The following PYHIN1 variants were observed in gnomAD, a reference collection of about 807,000 sequenced individuals.
PYHIN1 encodes pyrin and HIN domain family member 1.
PYHIN1 carries 32 observed loss-of-function variants against 43.7 expected under a neutral mutation model. The ratio of observed to expected loss-of-function variants is 0.73; its 90% CI spans 0.55 to 0.98. PYHIN1 has a LOEUF of 0.98. PYHIN1 is among the 50% of genes least tolerant of loss of function. PYHIN1 has a pLI of 0.00. For synonymous variants in PYHIN1, 205 were observed against 203.1 expected (o/e 1.01, Z -0.08); for missense variants, 588 against 589.5 (o/e 1.00, Z 0.03).
rs777597213 is a variant in PYHIN1 at position 158,944,870 on chromosome 1, T to C, written c.1192-5T>C. 3 of 1,558,420 alleles carry C rather than the reference T, an allele frequency of 1.9e-6. No homozygotes were observed. Among genetic ancestry groups the C allele is most frequent in the Non-Finnish European group, 2.6e-6 (3 of 1,156,392 alleles). ...AACATTAAACAAAAAAATGAATACT[T>C]TCAGATACAGAAAAATACAAACCAG... On this transcript the variant is annotated splice_region_variant and splice_polypyrimidine_tract_variant and intron_variant, in intron 6 of 8. Transcript: ENST00000368140.
chr1:158,988,014 C>G, the PYHIN1 span, among the ~76,000 whole-genome samples: 1 of 152,136 alleles, frequency 6.6e-6, no homozygotes, highest in East Asian at 1.9e-4. Context: ...CCAAAGAACA[C>G]TGAAGATTTT....
At chr1:158,942,523 T>G in intron 5 of PYHIN1, 124 bp downstream of exon 5, 1 of 703,968 alleles carries the variant, frequency 1.4e-6, no homozygotes. Context: ...TCAAAACTAC[T>G]GACAAGTAGA....
At chr1:158,951,085 C>T (rs1281946476) in intron 7 of PYHIN1, among the ~76,000 whole-genome samples, 1 of 152,174 alleles carries the variant, frequency 6.6e-6, no homozygotes, top group Admixed American at 6.5e-5. Flanking sequence ...CTAGGGTTAA[C>T]ACCTGTTGAA....
rs78112924 is a variant in PYHIN1 at position 158,932,089 on chromosome 1, G to T, written c.-21+313G>T. Among the ~76,000 whole-genome samples, 6 of 152,180 alleles carry T rather than the reference G, an allele frequency of 3.9e-5. No homozygotes were observed. In the East Asian group the frequency reaches 1.2e-3, roughly 29 times the overall value. ...GGTTAGAAAGCTTGGTGGCCATTGG[G>T]GTCTGGGCAAAAGACAAGATAATGA... On this transcript the variant is annotated intron_variant, in intron 1 of 8. Transcript: ENST00000368140.
chr1:158,950,377 C>T (rs1160422243), intron 7 of PYHIN1, among the ~76,000 whole-genome samples: 1 of 152,112 alleles, frequency 6.6e-6, no homozygotes, highest in Non-Finnish European at 1.5e-5. Context: ...TTGTGTCATC[C>T]GAGGAAGCCA....
chr1:158,966,633 C>A (rs993416137), intron 7 of PYHIN1, among the ~76,000 whole-genome samples: 4 of 152,122 alleles, frequency 2.6e-5, no homozygotes, highest in Non-Finnish European at 4.4e-5. Context: ...TCAATCGATG[C>A]AGAAACAGCT....
At chr1:158,935,986 C>G (rs1476189137) in intron 1 of PYHIN1, among the ~76,000 whole-genome samples, 1 of 152,172 alleles carries the variant, frequency 6.6e-6, no homozygotes, top group Non-Finnish European at 1.5e-5. Context: ...AAGTTCTTCA[C>G]TCAATTTCTA....
At chr1:158,967,785 G>A (rs1650709956) in intron 7 of PYHIN1, among the ~76,000 whole-genome samples, 1 of 151,810 alleles carries the variant, frequency 6.6e-6, no homozygotes. Flanking sequence ...CCAGAAATAA[G>A]GCCGCCCACC....
chr1:158,953,977 G>A (rs542032101), intron 7 of PYHIN1, among the ~76,000 whole-genome samples: 11 of 124,788 alleles, frequency 8.8e-5, no homozygotes, highest in Middle Eastern at 3.6e-3. Flanking sequence ...GAGCCGATGC[G>A]ATCAACTGGA....
intron 7 of PYHIN1, among the ~76,000 whole-genome samples, chr1:158,946,584 T>C (rs1025225968): frequency 1.3e-5 from 2 of 151,594 alleles, no homozygotes; most frequent in Non-Finnish European, 2.9e-5. Context: ...GATAGATAGA[T>C]AGATAGATGA....
chr1:158,976,593 T>C (rs1651272071), intron 8 of PYHIN1, 108 bp from the exon 9 acceptor site: 3 of 757,194 alleles, frequency 4.0e-6, no homozygotes, highest in Non-Finnish European at 6.6e-6. Flanking sequence ...CAGATGGAAA[T>C]AGAAGAAGAG....
intron 7 of PYHIN1, among the ~76,000 whole-genome samples, chr1:158,953,250 C>A (rs1217580848): frequency 7.4e-6 from 1 of 135,850 alleles, no homozygotes. Flanking sequence ...GAGCCCACCA[C>A]AGATCAAGGA....
chr1:158,932,306 G>A (rs1224283822), intron 1 of PYHIN1, among the ~76,000 whole-genome samples: 1 of 151,288 alleles, frequency 6.6e-6, no homozygotes, highest in Non-Finnish European at 1.5e-5. Context: ...GACTGCTTGA[G>A]AGGAAAGGTG....
chr1:158,942,241 G>A lies in PYHIN1; in HGVS notation c.844G>A (p.Glu282Lys), dbSNP rs752111242. 2.0e-5 allele frequency: 32 copies of A among 1,613,954 alleles called. No homozygotes were observed. The South Asian group carries it at 3.3e-4, about 17-fold the overall frequency. ...SNYSKRNSLL[E>K]VNEASSVSEA... The stretch of plus-strand genomic sequence containing the variant: ...TTATTCCAAACGTAATAGTCTCCTA[G>A]AGGTGAATGAAGCCTCTTCTGTATC... Residue 282 changes from glutamate to lysine, a missense_variant, in exon 5 of 9, where the codon GAG becomes AAG. Physicochemically the swap from Glu to Lys is moderately conservative, Grantham distance 56. Coordinates refer to ENST00000368140, the MANE Select transcript of PYHIN1 (RefSeq NM_152501.5).
At chr1:158,947,251 A>G (rs1284517448) in intron 7 of PYHIN1, among the ~76,000 whole-genome samples, 1 of 152,188 alleles carries the variant, frequency 6.6e-6, no homozygotes, top group Non-Finnish European at 1.5e-5. Context: ...TCATGAAATC[A>G]TTCCTGACTC....
the PYHIN1 span, among the ~76,000 whole-genome samples, chr1:158,984,856 G>T: frequency 6.6e-6 from 1 of 152,048 alleles, no homozygotes; most frequent in East Asian, 1.9e-4. Context: ...CACATCTTTA[G>T]GATAGTTAAG....
rs1648940898 is a variant in PYHIN1 at position 158,941,966 on chromosome 1, A to G, written c.580-11A>G. 3 of 1,571,178 alleles carry G rather than the reference A, an allele frequency of 1.9e-6. No individual in the cohort carries two copies. The highest frequency in any genetic ancestry group is 2.6e-6 in the Non-Finnish European group (3 of 1,162,688). On this transcript the variant is annotated splice_polypyrimidine_tract_variant and intron_variant, in intron 4 of 8. Coordinates refer to ENST00000368140, the MANE Select transcript of PYHIN1 (RefSeq NM_152501.5). ...AATTTCTTTTTTGTATTCCTTTTGTATCATGCGCAGAGCCTAAAACCATTG... is the reference window on the plus strand; with the variant it reads ...AATTTCTTTTTTGTATTCCTTTTGTGTCATGCGCAGAGCCTAAAACCATTG...
At position 158,973,774 on chromosome 1, in the gene PYHIN1, A is replaced by G. The variant is rs1288117783; in HGVS notation, c.*5+3A>G. On this transcript the variant is annotated splice_donor_region_variant and intron_variant, in intron 8 of 8. Coordinates refer to ENST00000368140, the MANE Select transcript of PYHIN1 (RefSeq NM_152501.5). ...CATCCAGCAGTTCCTTAAATAAGGTACCACCTTTCTATTTGCATTGCTGTA... is the reference window on the plus strand; with the variant it reads ...CATCCAGCAGTTCCTTAAATAAGGTGCCACCTTTCTATTTGCATTGCTGTA... 1 of 1,612,696 alleles carries G rather than the reference A, an allele frequency of 6.2e-7. No homozygotes were observed. The highest frequency in any genetic ancestry group is 2.2e-5 in the East Asian group (1 of 44,860).
At chr1:158,939,476 G>C in intron 4 of PYHIN1, 2 of 1,551,148 alleles carry the variant, frequency 1.3e-6, no homozygotes, top group Non-Finnish European at 1.7e-6. Flanking sequence ...GGAAGAGACA[G>C]AGAACTGCGG....
Sources: gnomAD v4.1 joint callset for allele counts (sites outside exome capture counted in the v4.1 genomes callset) on GRCh38, gnomAD v4.1.1 for gene constraint, MANE v1.5 for transcripts, NCBI Gene and HGNC (gene_info 2026-07-23, HGNC 2026-07-21) for gene names.